Variants in ADGRL2 observed in about 807,000 individuals in gnomAD.
ADGRL2 encodes adhesion G protein-coupled receptor L2, also known as calcium-independent alpha-latrotoxin receptor 2.
In ADGRL2, 44 loss-of-function variants were observed where a neutral mutation model predicts 157.4. That is an observed-to-expected ratio of 0.28 (90% CI 0.22 to 0.36). The LOEUF is 0.36. Among genes scored for constraint, ADGRL2 ranks in the 10% least tolerant of loss-of-function variants. ADGRL2 has a pLI of 1.00. For missense variants in ADGRL2, 1,510 were observed against 1,768.9 expected, an observed-to-expected ratio of 0.85 and a Z score of 2.63; for synonymous variants, 585 against 624.7, an observed-to-expected ratio of 0.94 and a Z score of 0.95.
At chr1:81,401,158 G>A (rs908987186) in intron 1 of ADGRL2, among the ~76,000 whole-genome samples, 1 of 152,196 alleles carries the variant, frequency 6.6e-6, no homozygotes, top group Admixed American at 6.5e-5. Context: ...GCACCAGGAA[G>A]GTGGTGGCCA....
chr1:81,755,429 G>C (rs893499813), intron 1 of ADGRL2, among the ~76,000 whole-genome samples: 4 of 151,896 alleles, frequency 2.6e-5, no homozygotes, highest in African/African-American at 9.7e-5. Context: ...TTTATACTAT[G>C]ATAAGAACAG....
chr1:81,324,508 CAA>C (rs774902261), intron 1 of ADGRL2, among the ~76,000 whole-genome samples: 2 of 108,414 alleles, frequency 1.8e-5, no homozygotes, highest in South Asian at 2.9e-4. Flanking sequence ...GACCCTGTCT[CAA>C]AAAAAAAAAA....
At chr1:81,408,603 G>T (rs960315772) in intron 1 of ADGRL2, among the ~76,000 whole-genome samples, 1 of 152,198 alleles carries the variant, frequency 6.6e-6, no homozygotes, top group African/African-American at 2.4e-5. Context: ...AAAAATGTCA[G>T]CTCCATAGAT....
intron 2 of ADGRL2, among the ~76,000 whole-genome samples, chr1:81,530,004 C>T (rs187716027): frequency 6.6e-6 from 1 of 152,302 alleles, no homozygotes; most frequent in East Asian, 1.9e-4. Context: ...TGCCCAAGGT[C>T]ACTGACAAAA....
chr1:81,625,700 A>G (rs2081895782), intron 3 of ADGRL2: 4 of 152,154 alleles, frequency 2.6e-5, no homozygotes, highest in African/African-American at 9.7e-5. Flanking sequence ...AAGTATTAAA[A>G]TTTTGCCTTT....
At position 81,807,268 on chromosome 1, in the gene ADGRL2, A is replaced by T. The variant is rs552304920; in HGVS notation, c.-101+6200A>T. On this transcript the variant is annotated intron_variant, in intron 1 of 23. Transcript: ENST00000686636. ...TGGATAACTTTTGTTGCTATTTTTA[A>T]CAAAGATTAGAATATTTATATTTCC... Among the ~76,000 whole-genome samples the T allele has an allele frequency of 2.6e-5, 4 of 152,094 alleles. No homozygotes were observed. The South Asian group carries it at 8.3e-4, about 32-fold the overall frequency.
chr1:81,324,868 C>T (rs1037120742), intron 1 of ADGRL2, among the ~76,000 whole-genome samples: 5 of 152,048 alleles, frequency 3.3e-5, no homozygotes, highest in Non-Finnish European at 5.9e-5. Context: ...AGGCGCCCAC[C>T]ACCACACCCA....
chr1:81,332,549 T>A (rs2100704154), intron 1 of ADGRL2, among the ~76,000 whole-genome samples: 2 of 152,278 alleles, frequency 1.3e-5, no homozygotes, highest in African/African-American at 4.8e-5. Flanking sequence ...AACCTCCTCA[T>A]GGAAATACAA....
intron 1 of ADGRL2, chr1:81,721,814 C>T (rs2084333334): frequency 7.8e-6 from 8 of 1,026,844 alleles, no homozygotes; most frequent in Non-Finnish European, 1.2e-5. Flanking sequence ...CGGTAAAGTA[C>T]CACCTGCTAC....
intron 3 of ADGRL2, among the ~76,000 whole-genome samples, chr1:81,623,635 CTTT>C (rs752595573): frequency 5.0e-5 from 6 of 118,948 alleles, no homozygotes; most frequent in Non-Finnish European, 5.0e-5. Flanking sequence ...TGATATCTTC[CTTT>C]TTTTTTTTTT....
At chr1:81,711,504 A>G (rs1464380470) in intron 1 of ADGRL2, among the ~76,000 whole-genome samples, 1 of 152,196 alleles carries the variant, frequency 6.6e-6, no homozygotes, top group East Asian at 1.9e-4. Context: ...GTATATTCAG[A>G]GATTTAGATT....
chr1:81,703,636 G>A (rs781151183), intron 1 of ADGRL2, among the ~76,000 whole-genome samples: 27 of 152,062 alleles, frequency 1.8e-4, no homozygotes, highest in Non-Finnish European at 3.2e-4. Flanking sequence ...TTCTCGTACC[G>A]AAGAAAAGGA....
intron 2 of ADGRL2, among the ~76,000 whole-genome samples, chr1:81,517,544 A>G (rs2079209461): frequency 6.6e-6 from 1 of 151,578 alleles, no homozygotes; most frequent in African/African-American, 2.4e-5. Context: ...TCAGCTACCA[A>G]CATATGGCTG....
At chr1:81,901,624 G>A (rs1047720466) in intron 2 of ADGRL2, among the ~76,000 whole-genome samples, 5 of 151,222 alleles carry the variant, frequency 3.3e-5, no homozygotes, top group Non-Finnish European at 5.9e-5. Context: ...CAGTATTCTA[G>A]ATCATTAATG....
At chr1:81,416,469 C>T (rs984927775) in intron 1 of ADGRL2, among the ~76,000 whole-genome samples, 3 of 152,132 alleles carry the variant, frequency 2.0e-5, no homozygotes, top group African/African-American at 7.2e-5. Context: ...TGTAACTTGA[C>T]TTTAAATTAT....
chr1:81,938,619 C>G (rs2095343793), intron 4 of ADGRL2, among the ~76,000 whole-genome samples: 2 of 151,396 alleles, frequency 1.3e-5, no homozygotes, highest in African/African-American at 4.8e-5. Context: ...TTGCTGTTAC[C>G]TTTCTAGACA....
intron 1 of ADGRL2, among the ~76,000 whole-genome samples, chr1:81,702,197 G>T (rs955137378): frequency 1.3e-5 from 2 of 152,170 alleles, no homozygotes; most frequent in African/African-American, 4.8e-5. Flanking sequence ...CAAGGAAAAA[G>T]GGTGAACACA....
chr1:81,599,647 C>T (rs1318948095), intron 3 of ADGRL2, among the ~76,000 whole-genome samples: 2 of 152,152 alleles, frequency 1.3e-5, no homozygotes, highest in Non-Finnish European at 2.9e-5. Context: ...AATAATTCAT[C>T]TTTCCATACA....
At chr1:81,359,305 A>G (rs1017513381) in intron 1 of ADGRL2, among the ~76,000 whole-genome samples, 2 of 152,120 alleles carry the variant, frequency 1.3e-5, no homozygotes, top group African/African-American at 4.8e-5. Context: ...ATTCTGCTAC[A>G]GGGTCAACTG....
Sources: allele counts gnomAD v4.1 joint callset (sites outside exome capture counted in the v4.1 genomes callset), GRCh38; gene constraint gnomAD v4.1.1; transcripts MANE v1.5; gene names NCBI Gene and HGNC (gene_info 2026-07-23, HGNC 2026-07-21).